C10orf71: variants seen among roughly 807,000 people sequenced by gnomAD.
The protein encoded by C10orf71 is chromosome 10 open reading frame 71, also known as cardiac-enriched FHL2-interacting protein.
For synonymous variants in C10orf71, 758 were observed against 726.3 expected, an observed-to-expected ratio of 1.04 and a Z score of -0.70; for missense variants, 1,869 against 1,804.5, an observed-to-expected ratio of 1.04 and a Z score of -0.65.
At position 49,325,594 on chromosome 10, in the gene C10orf71, C is replaced by A; in HGVS notation, c.3049C>A (p.Pro1017Thr). The change falls in exon 3 of 3, where the codon CCA (proline) becomes ACA (threonine). Residue 1017 changes from proline to threonine, a missense_variant. Pro to Thr is a conservative substitution (Grantham distance 38). Transcript: ENST00000374144. The part of the protein sequence containing the change: ...PEGDIEDQPP[P>T]WQPENCWEEQ... ...GGGTGACATAGAAGACCAGCCACCC[C>A]CATGGCAGCCCGAAAACTGTTGGGA... 1 of 1,551,876 alleles carries A rather than the reference C, an allele frequency of 6.4e-7. No individual in the cohort carries two copies. Among genetic ancestry groups the A allele is most frequent in the Non-Finnish European group, 8.7e-7 (1 of 1,146,950 alleles).
chr10:49,309,365 ACTCT>A (rs148169312), intron 1 of C10orf71, among the ~76,000 whole-genome samples: 3 of 149,990 alleles, frequency 2.0e-5, no homozygotes, highest in Non-Finnish European at 4.5e-5. Context: ...GTGCACACTC[ACTCT>A]CTCTCTCTCT....
chr10:49,326,545 C>G lies in C10orf71; in HGVS notation c.4000C>G (p.Leu1334Val), dbSNP rs1590344778. The change falls in exon 3 of 3, where the codon CTG (leucine) becomes GTG (valine). Residue 1334 changes from leucine to valine, a missense_variant. Leu to Val is a conservative substitution (Grantham distance 32). Transcript: ENST00000374144. ...GGACGCCCTGGCCGCTCCCTATGTG[C>G]TGTACCCCGGCTTCCAGCCAGTGCC... ...PPDALAAPYV[L>V]YPGFQPVPVT... The G allele has an allele frequency of 1.3e-6, 2 of 1,550,648 alleles. No individual in the cohort carries two copies. Among genetic ancestry groups the G allele is most frequent in the Middle Eastern group, 1.7e-4 (1 of 5,986 alleles).
Position 49,325,988 on chromosome 10 carries a change from C to T in C10orf71, c.3443C>T (p.Thr1148Ile), listed in dbSNP as rs1242445943. 9.0e-6 allele frequency: 14 copies of T among 1,551,580 alleles called. 1 individual carries two copies. In the East Asian group the frequency reaches 2.9e-4, roughly 33 times the overall value. The change falls in exon 3 of 3, where the codon ACC (threonine) becomes ATC (isoleucine). Residue 1148 changes from threonine to isoleucine, a missense_variant. Transcript: ENST00000374144. ...SPRGSLLDVA[T>I]SPAGTSGRLE... ...AGAGGTTCATTGCTGGATGTGGCCA[C>T]CAGCCCAGCAGGCACCTCTGGGAGA...
At chr10:49,312,718 G>A (rs1248188050) in intron 1 of C10orf71, among the ~76,000 whole-genome samples, 2 of 152,122 alleles carry the variant, frequency 1.3e-5, no homozygotes, top group Non-Finnish European at 2.9e-5. Flanking sequence ...CGCTGCTGAG[G>A]GACACCTTCC....
Position 49,327,036 on chromosome 10 carries a change from C to A in C10orf71, c.*183C>A. ...CAGTAGGGATCCCAAGACGACCTCA[C>A]CCAAAGGGCTCCCTGGCTCTCCTCT... is the stretch of plus-strand genomic sequence containing the variant. On this transcript the variant is annotated 3_prime_UTR_variant, in exon 3 of 3. Transcript: ENST00000374144. 6.4e-7 allele frequency: 1 copy of A among 1,573,862 alleles called. No individual in the cohort carries two copies. The highest frequency in any genetic ancestry group is 8.6e-7 in the Non-Finnish European group (1 of 1,157,606).
chr10:49,308,041 T>C (rs1260401565), intron 1 of C10orf71, among the ~76,000 whole-genome samples: 2 of 152,178 alleles, frequency 1.3e-5, no homozygotes, highest in Admixed American at 1.3e-4. Flanking sequence ...CATGGCAGAC[T>C]GGCTACCCAG....
Position 49,325,095 on chromosome 10 carries a change from C to A in C10orf71, c.2550C>A (p.Asn850Lys), listed in dbSNP as rs1384564983. Residue 850 changes from asparagine to lysine, a missense_variant, in exon 3 of 3, where the codon AAC becomes AAA. Physicochemically the swap from Asn to Lys is moderately conservative, Grantham distance 94. Transcript: ENST00000374144. ...CTCCCTCACCATCTTCTGCTTCAAA[C>A]AGGCACATGCTGTTTACGATTAAAG... The part of the protein sequence containing the change: ...DLTPSPSSAS[N>K]RHMLFTIKDN... 2 of 1,551,996 alleles carry A rather than the reference C, an allele frequency of 1.3e-6. No homozygotes were observed. Among genetic ancestry groups the A allele is most frequent in the East Asian group, 4.9e-5 (2 of 40,920 alleles).
chr10:49,317,364 C>A (rs1180261508), intron 2 of C10orf71, among the ~76,000 whole-genome samples: 1 of 152,184 alleles, frequency 6.6e-6, no homozygotes, highest in East Asian at 1.9e-4. Context: ...CCTTCAGTGG[C>A]CATTGCTTGT....
chr10:49,307,130 C>T (rs1422350449), intron 1 of C10orf71, among the ~76,000 whole-genome samples: 1 of 152,242 alleles, frequency 6.6e-6, no homozygotes, highest in African/African-American at 2.4e-5. Context: ...CCAGATCTTT[C>T]CTGCTCCTAC....
intron 1 of C10orf71, among the ~76,000 whole-genome samples, chr10:49,312,067 T>C (rs953731550): frequency 6.6e-6 from 1 of 152,224 alleles, no homozygotes; most frequent in African/African-American, 2.4e-5. Context: ...GAAAAGCTGA[T>C]TCATGGGGAT....
chr10:49,302,605 G>A (rs1848747927), intron 1 of C10orf71, among the ~76,000 whole-genome samples: 1 of 152,234 alleles, frequency 6.6e-6, no homozygotes, highest in South Asian at 2.1e-4. Flanking sequence ...CTTGCCCAAA[G>A]ATGCACAGTG....
chr10:49,297,505 TGATACA>T (rs1848657686), upstream of C10orf71, among the ~76,000 whole-genome samples: 1 of 152,346 alleles, frequency 6.6e-6, no homozygotes, highest in Admixed American at 6.5e-5. Flanking sequence ...AAGTAAATGT[TGATACA>T]GATGGTTGAG....
At chr10:49,310,175 C>A (rs1406196409) in intron 1 of C10orf71, among the ~76,000 whole-genome samples, 1 of 152,242 alleles carries the variant, frequency 6.6e-6, no homozygotes, top group African/African-American at 2.4e-5. Flanking sequence ...CCTCCCGCAG[C>A]ACCAGAGCCC....
chr10:49,297,238 T>A (rs1390247615), upstream of C10orf71, among the ~76,000 whole-genome samples: 1 of 152,208 alleles, frequency 6.6e-6, no homozygotes, highest in Non-Finnish European at 1.5e-5. Flanking sequence ...CAGCTCATGT[T>A]ACTCACACCC....
chr10:49,320,362 T>G (rs1041630276), intron 2 of C10orf71, among the ~76,000 whole-genome samples: 9 of 152,096 alleles, frequency 5.9e-5, no homozygotes, highest in African/African-American at 2.2e-4. Context: ...TGCCAGCACC[T>G]CTACTGGCCA....
chr10:49,310,067 A>G (rs1848884071), intron 1 of C10orf71, among the ~76,000 whole-genome samples: 1 of 152,210 alleles, frequency 6.6e-6, no homozygotes, highest in Non-Finnish European at 1.5e-5. Flanking sequence ...AAAGATGGGC[A>G]GGGATGAGGA....
chr10:49,308,463 A>G (rs1181127109), intron 1 of C10orf71, among the ~76,000 whole-genome samples: 1 of 152,196 alleles, frequency 6.6e-6, no homozygotes, highest in African/African-American at 2.4e-5. Context: ...CTGCAGGCTG[A>G]CACCCCTCTC....
intron 1 of C10orf71, among the ~76,000 whole-genome samples, chr10:49,302,573 G>T: frequency 6.6e-6 from 1 of 152,332 alleles, no homozygotes; most frequent in East Asian, 1.9e-4. Flanking sequence ...GGCAGGCGCC[G>T]AGGCTTGAAG....
chr10:49,325,218 G>A lies in C10orf71; in HGVS notation c.2673G>A (p.Glu891=), dbSNP rs1324418045. The A allele has an allele frequency of 6.4e-7, 1 of 1,551,994 alleles. No homozygotes were observed. Among genetic ancestry groups the A allele is most frequent in the South Asian group, 1.2e-5 (1 of 84,062 alleles). Residue 891 remains glutamate (E), a synonymous_variant, in exon 3 of 3, where the codon GAG becomes GAA. Transcript: ENST00000374144. ...ACTCCCTCAGCAGTGGCCACAAAGA[G>A]GAGGAATTGCCAAGGCCAGAATGGG... is the stretch of plus-strand genomic sequence containing the variant. ...LEDSLSSGHK[E]EELPRPEWGE...
Sources: gnomAD v4.1 joint callset for allele counts (sites outside exome capture counted in the v4.1 genomes callset) on GRCh38, gnomAD v4.1.1 for gene constraint, MANE v1.5 for transcripts, NCBI Gene and HGNC (gene_info 2026-07-23, HGNC 2026-07-21) for gene names.